The following CALN1 variants were observed in gnomAD, a reference collection of about 807,000 sequenced individuals.
CALN1 encodes the protein calcium-binding protein 8.
A neutral mutation model predicts 30.6 loss-of-function variants in CALN1; 17 were observed. That is an observed-to-expected ratio of 0.56 (90% CI 0.38 to 0.83). CALN1 has a LOEUF of 0.83. CALN1 is among the 40% of genes least tolerant of loss of function. CALN1 has a pLI of 0.00. For missense variants in CALN1, 291 were observed against 354.9 expected (o/e 0.82, Z 1.45); for synonymous variants, 156 against 131.4 (o/e 1.19, Z -1.28).
intron 6 of CALN1, 130 bp from the exon 7 acceptor site, chr7:71,788,032 C>T (rs1452840823): frequency 8.1e-7 from 1 of 1,232,876 alleles, no homozygotes; most frequent in Non-Finnish European, 1.1e-6. Flanking sequence ...TAGGATGAGA[C>T]TGGTCAAATC....
In CALN1 at chr7:71,790,224, C is replaced by T. The variant is rs149547110; in HGVS notation, c.659-2322G>A. Among the ~76,000 whole-genome samples, 1,208 of 126,150 alleles carry T rather than the reference C, an allele frequency of 9.6e-3. 19 individuals carry two copies. The highest frequency in any genetic ancestry group is 0.033 in the African/African-American group (1,097 of 33,456). 82.8% of individuals were successfully genotyped at this position (126,150 alleles called of 152,430 possible). On this transcript the variant is annotated intron_variant, in intron 6 of 6. Transcript: ENST00000395275. ...AAACAAAGAAAGAAAGAAAGGCAGG[C>T]GAAAGAAAGAATGAAAGAAAGGAAG...
chr7:72,017,276 C>G (rs1358115123), intron 5 of CALN1, among the ~76,000 whole-genome samples: 2 of 151,404 alleles, frequency 1.3e-5, no homozygotes, highest in Non-Finnish European at 1.5e-5. Context: ...AAAGGTAAAG[C>G]CTTTCCGGAA....
At chr7:72,394,488 C>T (rs890660089) in intron 2 of CALN1, among the ~76,000 whole-genome samples, 4 of 152,090 alleles carry the variant, frequency 2.6e-5, no homozygotes, top group Admixed American at 1.3e-4. Flanking sequence ...GACATCATTA[C>T]GGGACTGGTC....
In CALN1 at chr7:71,944,594, C is replaced by CAAAAAAA. The variant is rs10677940; in HGVS notation, c.501+79056_501+79062dup. Among the ~76,000 whole-genome samples, 314 of 59,970 alleles carry CAAAAAAA rather than the reference C, an allele frequency of 5.2e-3. 1 individual carries two copies. Among genetic ancestry groups the CAAAAAAA allele is most frequent in the Non-Finnish European group, 6.4e-3 (218 of 34,018 alleles). 39.3% of individuals were successfully genotyped at this position (59,970 alleles called of 152,430 possible). A position where few individuals can be genotyped will look rare whatever the true frequency, so the allele number is the denominator to read the frequency against. On this transcript the variant is annotated intron_variant, in intron 5 of 6. Transcript: ENST00000395275. ...GGGCAATAAGAGTAAAACTCCATCC[C>CAAAAAAA]AAAAAAAAAAAAAAAAAAAAAAAGA... is the stretch of plus-strand genomic sequence containing the variant.
chr7:72,298,186 GA>G (rs1252307361), intron 2 of CALN1, among the ~76,000 whole-genome samples: 3 of 152,154 alleles, frequency 2.0e-5, no homozygotes, highest in Non-Finnish European at 4.4e-5. Flanking sequence ...CACCATCTCA[GA>G]AAAGACCAGA....
chr7:71,795,863 G>A (rs1388974863), intron 6 of CALN1, among the ~76,000 whole-genome samples: 1 of 128,866 alleles, frequency 7.8e-6, no homozygotes, highest in African/African-American at 3.2e-5. Flanking sequence ...CTGTCACCCA[G>A]GCTGGAGTGC....
intron 3 of CALN1, among the ~76,000 whole-genome samples, chr7:72,243,966 G>A (rs758943899): frequency 5.3e-5 from 8 of 152,018 alleles, no homozygotes; most frequent in South Asian, 2.1e-4. Flanking sequence ...TCTATCTACC[G>A]TACAATGGTC....
intron 3 of CALN1, among the ~76,000 whole-genome samples, chr7:72,147,589 C>T (rs557817347): frequency 1.3e-5 from 2 of 151,900 alleles, no homozygotes; most frequent in South Asian, 4.2e-4. Context: ...CCAGCTATCC[C>T]ATTACTGGGT....
chr7:72,329,220 A>G (rs999765467), intron 2 of CALN1, among the ~76,000 whole-genome samples: 65 of 152,210 alleles, frequency 4.3e-4, no homozygotes, highest in Admixed American at 1.3e-3. Context: ...GTTAGAAATC[A>G]CCAAATTAAG....
intron 3 of CALN1, among the ~76,000 whole-genome samples, chr7:72,250,606 G>A (rs1795485358): frequency 6.6e-6 from 1 of 152,122 alleles, no homozygotes; most frequent in African/African-American, 2.4e-5. Context: ...TGGGTCATGG[G>A]GCGGATCCCT....
chr7:72,401,479 T>A (rs541848384), intron 2 of CALN1, among the ~76,000 whole-genome samples: 1 of 152,098 alleles, frequency 6.6e-6, no homozygotes, highest in Non-Finnish European at 1.5e-5. Flanking sequence ...ACATGTTCAG[T>A]GCGTGTGTGC....
At chr7:72,279,636 A>G (rs887756330) in intron 2 of CALN1, among the ~76,000 whole-genome samples, 1 of 152,218 alleles carries the variant, frequency 6.6e-6, no homozygotes, top group Non-Finnish European at 1.5e-5. Flanking sequence ...CGGAAAAAAG[A>G]GATGTGAGAT....
At chr7:72,038,561 A>G (rs1801941552) in intron 4 of CALN1, among the ~76,000 whole-genome samples, 1 of 152,086 alleles carries the variant, frequency 6.6e-6, no homozygotes. Context: ...GGAGCTGGGT[A>G]AAATAAGGCT....
chr7:72,258,741 A>C (rs1160006478), intron 3 of CALN1, among the ~76,000 whole-genome samples: 1 of 151,990 alleles, frequency 6.6e-6, no homozygotes, highest in African/African-American at 2.4e-5. Flanking sequence ...AACATGGTGA[A>C]ACCCTGTCTC....
At chr7:72,229,620 A>C (rs1305512338) in intron 3 of CALN1, among the ~76,000 whole-genome samples, 2 of 152,046 alleles carry the variant, frequency 1.3e-5, no homozygotes, top group African/African-American at 4.8e-5. Flanking sequence ...GAATGAGTTC[A>C]TGTCCTTTGC....
At chr7:71,925,495 G>GGTTTTTTTGGT (rs561558688) in intron 5 of CALN1, among the ~76,000 whole-genome samples, 20 of 136,548 alleles carry the variant, frequency 1.5e-4, no homozygotes, top group South Asian at 2.4e-4. Context: ...GGTTTTTTTG[G>GGTTTTTTTGGT]TTTTTTTTTT....
At chr7:72,452,470 C>G in the CALN1 span, among the ~76,000 whole-genome samples, 333 of 152,216 alleles carry the variant, frequency 2.2e-3, 1 homozygote, top group Non-Finnish European at 4.0e-3. Flanking sequence ...AAAAAAGAGC[C>G]TGGCACCTTC....
At chr7:72,281,074 G>T (rs996449087) in intron 2 of CALN1, among the ~76,000 whole-genome samples, 1 of 151,948 alleles carries the variant, frequency 6.6e-6, no homozygotes, top group African/African-American at 2.4e-5. Context: ...AACCCAGGAG[G>T]CAGAGGTTGC....
chr7:72,133,744 C>A (rs151057268), intron 3 of CALN1, among the ~76,000 whole-genome samples: 50 of 152,308 alleles, frequency 3.3e-4, no homozygotes, highest in African/African-American at 1.1e-3. Context: ...ATCACCCCTA[C>A]ATATCACCTG....
Sources: allele counts gnomAD v4.1 joint callset (sites outside exome capture counted in the v4.1 genomes callset), GRCh38; gene constraint gnomAD v4.1.1; transcripts MANE v1.5; gene names NCBI Gene and HGNC (gene_info 2026-07-23, HGNC 2026-07-21).